The following ANLN variants were observed in gnomAD, a reference collection of about 807,000 sequenced individuals.
ANLN encodes the protein anillin, actin binding protein.
In ANLN, 59 loss-of-function variants were observed where a neutral mutation model predicts 135.1. The ratio of observed to expected loss-of-function variants is 0.44; its 90% CI spans 0.35 to 0.54. ANLN has a LOEUF of 0.54. ANLN is among the 20% of genes least tolerant of loss of function. ANLN has a pLI of 0.00. For missense variants in ANLN, 1,182 were observed against 1,340.0 expected, an observed-to-expected ratio of 0.88 and a Z score of 1.84; for synonymous variants, 406 against 456.4, an observed-to-expected ratio of 0.89 and a Z score of 1.41.
intron 3 of ANLN, among the ~76,000 whole-genome samples, chr7:36,405,614 CTA>C (rs1305444271): frequency 1.3e-5 from 2 of 152,206 alleles, no homozygotes; most frequent in Non-Finnish European, 2.9e-5. Flanking sequence ...AATGAAGTAA[CTA>C]TGCAGAAAAA....
intron 19 of ANLN, 117 bp from the exon 20 acceptor site, chr7:36,426,799 C>A: frequency 2.0e-6 from 1 of 496,672 alleles, no homozygotes; most frequent in Non-Finnish European, 3.5e-6. Context: ...GAAAATGAGG[C>A]AGTTTTTTTT....
rs368547139 is a variant in ANLN, at chr7:36,428,027, A to G, written c.2883+999A>G. On this transcript the variant is annotated intron_variant, in intron 20 of 23. Transcript: ENST00000265748. The stretch of plus-strand genomic sequence containing the variant: ...ATTTACCCTTAGTGATTTACTCTTT[A>G]ACATTGAGCAAAGTCACCTCATCTC... Among the ~76,000 whole-genome samples the G allele has an allele frequency of 3.9e-5, 6 of 152,184 alleles. No individual in the cohort carries two copies. In the South Asian group the frequency reaches 6.2e-4, roughly 16 times the overall value.
Position 36,399,295 on chromosome 7 carries a change from T to C in ANLN, c.389T>C (p.Leu130Pro), listed in dbSNP as rs199636276. ...PASLLGMRRG[L>P]NSRLEATAAS... ...TCACTGCTGGGCATGAGGAGAGGGC[T>C]GAACTCAAGATTGGAAGCAACTGCA... The change falls in exon 3 of 24, where the codon CTG becomes CCG. Residue 130 changes from leucine (L) to proline (P), a missense_variant. Leu to Pro is a moderately conservative substitution (Grantham distance 98). Coordinates refer to ENST00000265748, the MANE Select transcript of ANLN (RefSeq NM_018685.5). The C allele has an allele frequency of 2.7e-5, 43 of 1,614,044 alleles. No homozygotes were observed. The highest frequency in any genetic ancestry group is 3.1e-5 in the Non-Finnish European group (37 of 1,180,034).
Position 36,399,136 on chromosome 7 carries a change from T to A in ANLN, c.230T>A (p.Val77Glu), listed in dbSNP as rs766185452. The A allele has an allele frequency of 3.1e-6, 5 of 1,614,140 alleles. No individual in the cohort carries two copies. Among genetic ancestry groups the A allele is most frequent in the African/African-American group, 2.7e-5 (2 of 75,026 alleles). The change falls in exon 3 of 24, where the codon GTA becomes GAA. Residue 77 changes from valine to glutamate, a missense_variant. Around this residue, in one of 3 missense-constraint regions of ANLN, gnomAD observed 1,022 missense variants for 1,134.0 expected, o/e 0.90. Coordinates refer to ENST00000265748, the MANE Select transcript of ANLN (RefSeq NM_018685.5). ...SKKRCSDNTEVEVSNLENKQP... is the reference protein window; with the variant it reads ...SKKRCSDNTEEEVSNLENKQP... The stretch of plus-strand genomic sequence containing the variant: ...AAACGCTGTTCTGACAACACTGAAG[T>A]AGAAGTTTCTAACTTGGAAAATAAA...
chr7:36,437,778 T>C (rs35331897), intron 20 of ANLN, among the ~76,000 whole-genome samples: 39 of 150,344 alleles, frequency 2.6e-4, no homozygotes, highest in African/African-American at 9.0e-4. Context: ...TATTTTATTT[T>C]AAAAATTTTT....
At chr7:36,415,199 T>A (rs371308134) in intron 7 of ANLN, among the ~76,000 whole-genome samples, 5 of 152,286 alleles carry the variant, frequency 3.3e-5, no homozygotes, top group African/African-American at 1.2e-4. Flanking sequence ...GACGAGGGAA[T>A]GTTTTCTTCT....
At chr7:36,425,121 C>T (rs1368483823) in intron 17 of ANLN, among the ~76,000 whole-genome samples, 1 of 151,866 alleles carries the variant, frequency 6.6e-6, no homozygotes, top group Non-Finnish European at 1.5e-5. Context: ...CCTTCCCAGT[C>T]TGTGTTCTTT....
chr7:36,434,861 AAAAAC>A (rs550873506), intron 20 of ANLN, among the ~76,000 whole-genome samples: 3 of 152,194 alleles, frequency 2.0e-5, no homozygotes, highest in African/African-American at 7.2e-5. Flanking sequence ...ACTCTGTCTC[AAAAAC>A]AAAACAAAAC....
Position 36,411,043 on chromosome 7 carries a change from C to T in ANLN, c.1288-16C>T. ...CTACCGGCTCTTGTGTAAAATACAG[C>T]TTTTGATGGGTTTAGGAACGTCAAA... On this transcript the variant is annotated splice_polypyrimidine_tract_variant and intron_variant, in intron 6 of 23. Coordinates refer to ENST00000265748, the MANE Select transcript of ANLN (RefSeq NM_018685.5). The T allele has an allele frequency of 6.4e-7, 1 of 1,571,084 alleles. No individual in the cohort carries two copies. Among genetic ancestry groups the T allele is most frequent in the Non-Finnish European group, 8.6e-7 (1 of 1,166,304 alleles).
chr7:36,403,109 C>A (rs1787028467), intron 3 of ANLN, among the ~76,000 whole-genome samples: 1 of 152,026 alleles, frequency 6.6e-6, no homozygotes, highest in African/African-American at 2.4e-5. Context: ...AAGAGCGAAA[C>A]TCTTTCTCAA....
chr7:36,393,222 C>T (rs1786556966), intron 1 of ANLN, among the ~76,000 whole-genome samples: 1 of 152,022 alleles, frequency 6.6e-6, no homozygotes, highest in African/African-American at 2.4e-5. Flanking sequence ...TGGGGTTTCA[C>T]CGTGTTTGCC....
chr7:36,410,420 T>G, intron 5 of ANLN, 94 bp from the exon 6 acceptor site: 1 of 1,080,276 alleles, frequency 9.3e-7, no homozygotes, highest in Non-Finnish European at 1.3e-6. Flanking sequence ...ATCAAAGCAT[T>G]TTGAAGCTGT....
intron 21 of ANLN, among the ~76,000 whole-genome samples, chr7:36,443,046 CT>C (rs1788842323): frequency 6.6e-6 from 1 of 152,158 alleles, no homozygotes; most frequent in South Asian, 2.1e-4. Flanking sequence ...TCTACTTACC[CT>C]GTTTAAGTGG....
At position 36,422,698 on chromosome 7, in the gene ANLN, A is replaced by C; in HGVS notation, c.2365A>C (p.Asn789His). 6.2e-7 allele frequency: 1 copy of C among 1,613,004 alleles called. No individual in the cohort carries two copies. Among genetic ancestry groups the C allele is most frequent in the Non-Finnish European group, 8.5e-7 (1 of 1,179,692 alleles). The change falls in exon 14 of 24, where the codon AAT becomes CAT. Residue 789 changes from asparagine to histidine, a missense_variant. Asn to His is a moderately conservative substitution (Grantham distance 68). Transcript: ENST00000265748. ...KLKNEGPQRK[N>H]KASPQSEFMP... ...GAAGAACGAAGGACCTCAGAGGAAG[A>C]ATAAGGCTAGTCCCCAAAGTGAATT...
intron 5 of ANLN, among the ~76,000 whole-genome samples, chr7:36,408,477 G>A (rs950654098): frequency 2.0e-5 from 3 of 151,992 alleles, no homozygotes; most frequent in Non-Finnish European, 4.4e-5. Context: ...TATATATTTC[G>A]GGAGTACATT....
Position 36,422,039 on chromosome 7 carries a change from G to T in ANLN, c.2299+47G>T, listed in dbSNP as rs377060621. ...GAGTTCCAACAAATTTCTAACCAGG[G>T]AAAACTCATTTTGATATTTAGAAAT... On this transcript the variant is annotated intron_variant, in intron 13 of 23. Transcript: ENST00000265748. The T allele has an allele frequency of 1.1e-5, 18 of 1,581,942 alleles. No homozygotes were observed. The African/African-American group carries it at 2.5e-4, about 22-fold the overall frequency.
Position 36,407,744 on chromosome 7 carries a change from C to CT in ANLN, c.885dup (p.Pro296SerfsTer10), listed in dbSNP as rs759171500. On this transcript the variant is annotated frameshift_variant, in exon 5 of 24. Coordinates refer to ENST00000265748, the MANE Select transcript of ANLN (RefSeq NM_018685.5). LOFTEE classifies it high-confidence loss of function. Reference sequence around the variant, plus strand: ...GTTTTCATGTTTCAGAAAGCTACTTCTCCAGTGAAATCTACTACATCTATC... The same window carrying CT: ...GTTTTCATGTTTCAGAAAGCTACTTCTTCCAGTGAAATCTACTACATCTATC... 2 of 1,612,228 alleles carry CT rather than the reference C, an allele frequency of 1.2e-6. No homozygotes were observed. The highest frequency in any genetic ancestry group is 2.2e-5 in the South Asian group (2 of 90,978).
intron 20 of ANLN, among the ~76,000 whole-genome samples, chr7:36,438,365 C>A (rs567445028): frequency 1.4e-4 from 21 of 152,242 alleles, no homozygotes; most frequent in African/African-American, 4.8e-4. Flanking sequence ...CAGCACCACA[C>A]TGGTGTTTTT....
In ANLN at chr7:36,419,660, A is replaced by G. The variant is rs141284133; in HGVS notation, c.1869+181A>G. Among the ~76,000 whole-genome samples the G allele has an allele frequency of 6.3e-3, 956 of 152,318 alleles. 5 individuals are homozygous for G. Among genetic ancestry groups the G allele is most frequent in the Middle Eastern group, 0.017 (5 of 294 alleles). On this transcript the variant is annotated intron_variant, in intron 10 of 23. Coordinates refer to ENST00000265748, the MANE Select transcript of ANLN (RefSeq NM_018685.5). ...TTGAGTGGTTTCCTTTTGACCTTAGATGAAATCCAAAGAGTAACATGGCTT... is the reference window on the plus strand; with the variant it reads ...TTGAGTGGTTTCCTTTTGACCTTAGGTGAAATCCAAAGAGTAACATGGCTT...
Sources: gnomAD v4.1 joint callset for allele counts (sites outside exome capture counted in the v4.1 genomes callset) on GRCh38, gnomAD v4.1.1 for gene constraint, gnomAD v4.1.1 regional missense constraint, MANE v1.5 for transcripts, NCBI Gene and HGNC (gene_info 2026-07-23, HGNC 2026-07-21) for gene names.